Variants in CCDC178 observed in about 807,000 individuals in gnomAD.
CCDC178 encodes coiled-coil domain containing 178.
In CCDC178, 126 loss-of-function variants were observed where a neutral mutation model predicts 117.4. The ratio of observed to expected loss-of-function variants is 1.07; its 90% CI spans 0.93 to 1.24. The LOEUF is 1.24. Ranked by LOEUF, CCDC178 falls within the 50% of genes most tolerant of loss-of-function variation. CCDC178 has a pLI of 0.00. For missense variants in CCDC178, 1,030 were observed against 986.9 expected, an observed-to-expected ratio of 1.04 and a Z score of -0.59; for synonymous variants, 283 against 313.4, an observed-to-expected ratio of 0.90 and a Z score of 1.02.
At chr18:33,280,104 G>T (rs1334987457) in intron 12 of CCDC178, among the ~76,000 whole-genome samples, 1 of 150,636 alleles carries the variant, frequency 6.6e-6, no homozygotes, top group Non-Finnish European at 1.5e-5. Flanking sequence ...TGACAAATGG[G>T]ATCTAATTAA....
At chr18:33,258,952 C>A (rs1281960257) in intron 14 of CCDC178, among the ~76,000 whole-genome samples, 1 of 151,982 alleles carries the variant, frequency 6.6e-6, no homozygotes, top group Non-Finnish European at 1.5e-5. Context: ...TGAATATTTT[C>A]TCCTGAAAAT....
At chr18:33,216,600 C>G (rs1198313187) in intron 18 of CCDC178, among the ~76,000 whole-genome samples, 1 of 152,032 alleles carries the variant, frequency 6.6e-6, no homozygotes, top group Non-Finnish European at 1.5e-5. Context: ...CATATGCTTC[C>G]AAATACTTTC....
intron 5 of CCDC178, among the ~76,000 whole-genome samples, chr18:33,384,334 C>G (rs2063471015): frequency 6.6e-6 from 1 of 152,012 alleles, no homozygotes; most frequent in Non-Finnish European, 1.5e-5. Context: ...GCAAGACAGG[C>G]CAATTTTCAA....
At chr18:33,152,965 G>A (rs997650768) in intron 20 of CCDC178, among the ~76,000 whole-genome samples, 9 of 150,704 alleles carry the variant, frequency 6.0e-5, no homozygotes, top group African/African-American at 1.9e-4. Flanking sequence ...GAGACTATAG[G>A]AAGGCACTGT....
intron 21 of CCDC178, among the ~76,000 whole-genome samples, chr18:33,077,629 C>T (rs1018206918): frequency 2.0e-5 from 3 of 152,080 alleles, no homozygotes; most frequent in African/African-American, 7.2e-5. Context: ...GTAAAAATAA[C>T]CATCAGAAAC....
At chr18:33,346,116 G>T in intron 9 of CCDC178, 95 bp downstream of exon 9, 1 of 903,832 alleles carries the variant, frequency 1.1e-6, no homozygotes, top group Non-Finnish European at 1.7e-6. Flanking sequence ...ATGAGCCATG[G>T]CACTAAGACA....
chr18:33,141,790 T>C (rs1193326655), intron 20 of CCDC178, among the ~76,000 whole-genome samples: 1 of 152,210 alleles, frequency 6.6e-6, no homozygotes, highest in African/African-American at 2.4e-5. Flanking sequence ...TTAATGCTGA[T>C]CATGCGACAA....
chr18:32,939,886 T>C (rs1288052371), intron 22 of CCDC178, among the ~76,000 whole-genome samples: 1 of 152,146 alleles, frequency 6.6e-6, no homozygotes, highest in African/African-American at 2.4e-5. Context: ...GATAGACTAA[T>C]GGAAGAACAA....
intron 2 of CCDC178, among the ~76,000 whole-genome samples, chr18:33,415,173 C>T (rs1416761149): frequency 1.3e-5 from 2 of 152,182 alleles, no homozygotes; most frequent in East Asian, 3.8e-4. Context: ...ACTGGAAATA[C>T]CATTTGATCC....
intron 14 of CCDC178, among the ~76,000 whole-genome samples, chr18:33,251,022 G>A (rs1473980346): frequency 6.6e-6 from 1 of 151,606 alleles, no homozygotes; most frequent in African/African-American, 2.4e-5. Flanking sequence ...GAGAAAAATT[G>A]ACACTGGATC....
At chr18:33,258,585 C>A (rs1264291726) in intron 14 of CCDC178, among the ~76,000 whole-genome samples, 1 of 152,160 alleles carries the variant, frequency 6.6e-6, no homozygotes, top group Non-Finnish European at 1.5e-5. Context: ...ATTCATTAGT[C>A]AACATGTTTA....
In CCDC178 at chr18:33,295,292, T is replaced by C. The variant is rs139725452; in HGVS notation, c.1023-1980A>G. ...CTCAAGCTAAATCTCACATTTTATATACAATCTAACTAAAAATGGCTTATA... is the reference window on the plus strand; with the variant it reads ...CTCAAGCTAAATCTCACATTTTATACACAATCTAACTAAAAATGGCTTATA... On this transcript the variant is annotated intron_variant, in intron 11 of 22. Coordinates refer to ENST00000383096, the MANE Select transcript of CCDC178 (RefSeq NM_001105528.4). Among the ~76,000 whole-genome samples the C allele has an allele frequency of 3.2e-3, 488 of 152,282 alleles. 12 individuals are homozygous for C. The highest frequency in any genetic ancestry group is 0.027 in the Admixed American group (418 of 15,296).
rs542659548 is a variant in CCDC178, at chr18:32,974,627, C to T, written c.2443G>A (p.Val815Met). The change falls in exon 22 of 23, where the codon GTG becomes ATG. Residue 815 changes from valine to methionine, a missense_variant. By Grantham distance (21) the Val-to-Met change is conservative. Transcript: ENST00000383096. ...HTLWQEHFKL[V>M]VLFSQMRLAN... The stretch of plus-strand genomic sequence containing the variant: ...AGCCTCATCTGGCTGAAGAGGACCA[C>T]CAGTTTGAAGTGCTCCTGCCACAGT... The T allele has an allele frequency of 3.7e-6, 6 of 1,613,458 alleles. No individual in the cohort carries two copies. The South Asian group carries it at 5.5e-5, about 15-fold the overall frequency.
At chr18:33,385,478 CA>C (rs2063482447) in intron 5 of CCDC178, among the ~76,000 whole-genome samples, 1 of 152,132 alleles carries the variant, frequency 6.6e-6, no homozygotes, top group Admixed American at 6.6e-5. Context: ...CACTCCTCAG[CA>C]AATGCAAAAT....
At chr18:33,426,760 G>A (rs2064130776) in intron 2 of CCDC178, among the ~76,000 whole-genome samples, 1 of 152,018 alleles carries the variant, frequency 6.6e-6, no homozygotes, top group African/African-American at 2.4e-5. Flanking sequence ...TTTTCCTACT[G>A]AAGAGATCTG....
At chr18:33,149,672 C>T (rs1244794147) in intron 20 of CCDC178, among the ~76,000 whole-genome samples, 3 of 152,198 alleles carry the variant, frequency 2.0e-5, no homozygotes, top group Non-Finnish European at 4.4e-5. Context: ...CCCTCCTCCA[C>T]CCATTAATAT....
At chr18:33,348,869 A>C (rs760999452) in intron 8 of CCDC178, 21 bp downstream of exon 8, 3 of 1,475,872 alleles carry the variant, frequency 2.0e-6, no homozygotes, top group Non-Finnish European at 1.9e-6. Flanking sequence ...ACAGTTATTC[A>C]AGTAGGAGGA....
chr18:33,016,318 AAAAAAC>A (rs910585400), intron 21 of CCDC178, among the ~76,000 whole-genome samples: 5 of 152,066 alleles, frequency 3.3e-5, no homozygotes, highest in African/African-American at 1.2e-4. Flanking sequence ...CCAGATCAGC[AAAAAAC>A]AAAAACAAAA....
At position 33,255,122 on chromosome 18, in the gene CCDC178, C is replaced by T. The variant is rs553662316; in HGVS notation, c.1410-9694G>A. ...GCCTCTCAAGTTTTGTGTCTTTGTA[C>T]CTGTTCACTTCCCCTTTGACCTTCT... On this transcript the variant is annotated intron_variant, in intron 14 of 22. Coordinates refer to ENST00000383096, the MANE Select transcript of CCDC178 (RefSeq NM_001105528.4). 4.1e-4 allele frequency among the ~76,000 whole-genome samples: 63 copies of T among 152,078 alleles called. No homozygotes were observed. The South Asian group carries it at 0.013, about 31-fold the overall frequency.
Sources: gnomAD v4.1 joint callset for allele counts (sites outside exome capture counted in the v4.1 genomes callset) on GRCh38, gnomAD v4.1.1 for gene constraint, MANE v1.5 for transcripts, NCBI Gene and HGNC (gene_info 2026-07-23, HGNC 2026-07-21) for gene names.